DLGAP5: variants seen among roughly 807,000 people sequenced by gnomAD.
DLGAP5 encodes the protein disks large-associated protein 5.
In DLGAP5, 90 loss-of-function variants were observed where a neutral mutation model predicts 99.6. That is an observed-to-expected ratio of 0.90 (90% CI 0.76 to 1.08). The LOEUF is 1.08. Among genes scored for constraint, DLGAP5 ranks in the 50% least tolerant of loss-of-function variants. The pLI, the probability that DLGAP5 is intolerant of heterozygous loss-of-function variation, is 0.00. For synonymous variants in DLGAP5, 311 were observed against 321.3 expected (o/e 0.97, Z 0.34); for missense variants, 1,036 against 983.5 (o/e 1.05, Z -0.71).
Position 55,175,373 on chromosome 14 carries a change from T to G in DLGAP5, c.1274A>C (p.Gln425Pro), listed in dbSNP as rs1883023347. 1.9e-6 allele frequency: 3 copies of G among 1,610,342 alleles called. No homozygotes were observed. Among genetic ancestry groups the G allele is most frequent in the Non-Finnish European group, 2.5e-6 (3 of 1,178,944 alleles). The change falls in exon 10 of 19, where the codon CAG becomes CCG. Residue 425 changes from glutamine to proline, a missense_variant. Gln to Pro is a moderately conservative substitution (Grantham distance 76). Transcript: ENST00000247191. ...SLERNEGRIA[Q>P]PHHGVPYFRN... is the part of the protein sequence containing the mutation. ...GAAATATGGCACACCATGGTGGGGC[T>G]GAGCAATTCGACCTTCATTTCTTTC...
In DLGAP5 at chr14:55,148,263, C is replaced by A; in HGVS notation, c.*88G>T. On this transcript the variant is annotated 3_prime_UTR_variant, in exon 19 of 19. Coordinates refer to ENST00000247191, the MANE Select transcript of DLGAP5 (RefSeq NM_014750.5). Reference sequence around the variant, plus strand: ...ACATTATATGCTATAGAAGTGAACACAAATACATTTTCTCCAAAATTTCAA... The same window carrying A: ...ACATTATATGCTATAGAAGTGAACAAAAATACATTTTCTCCAAAATTTCAA... 7 of 1,364,122 alleles carry A rather than the reference C, an allele frequency of 5.1e-6. No homozygotes were observed. Among genetic ancestry groups the A allele is most frequent in the Non-Finnish European group, 7.1e-6 (7 of 984,012 alleles). 84.5% of individuals were successfully genotyped at this position (1,364,122 alleles called of 1,614,324 possible).
chr14:55,154,551 TAAC>T (rs749770971), intron 15 of DLGAP5, 63 bp downstream of exon 15: 86 of 1,357,414 alleles, frequency 6.3e-5, no homozygotes, highest in Non-Finnish European at 8.6e-5. Flanking sequence ...TTTACCATCT[TAAC>T]AATCTGAAAT....
At chr14:55,167,147 G>C (rs1005463160) in intron 12 of DLGAP5, among the ~76,000 whole-genome samples, 2 of 151,592 alleles carry the variant, frequency 1.3e-5, no homozygotes, top group African/African-American at 4.9e-5. Flanking sequence ...CCAGCTACTC[G>C]GGAGGCAGAG....
intron 10 of DLGAP5, among the ~76,000 whole-genome samples, chr14:55,174,257 A>G (rs943398408): frequency 6.6e-6 from 1 of 152,202 alleles, no homozygotes; most frequent in Non-Finnish European, 1.5e-5. Flanking sequence ...CTTATTAGGA[A>G]GAGGAAATTC....
In DLGAP5 at chr14:55,162,594, T is replaced by G. The variant is rs143382191; in HGVS notation, c.1653+377A>C. Among the ~76,000 whole-genome samples, 1,306 of 147,352 alleles carry G rather than the reference T, an allele frequency of 8.9e-3. 20 individuals are homozygous for G. Among genetic ancestry groups the G allele is most frequent in the African/African-American group, 0.031 (1,200 of 38,946 alleles). On this transcript the variant is annotated intron_variant, in intron 13 of 18. Coordinates refer to ENST00000247191, the MANE Select transcript of DLGAP5 (RefSeq NM_014750.5). ...AGATCACGCCACTGTACTGCAGCCT[T>G]GGTGATAGAGCGGGATTCCATCTCA... is the stretch of plus-strand genomic sequence containing the variant.
chr14:55,166,037 C>A (rs1283582294), intron 12 of DLGAP5, among the ~76,000 whole-genome samples: 2 of 152,148 alleles, frequency 1.3e-5, no homozygotes, highest in Non-Finnish European at 1.5e-5. Flanking sequence ...ATATGACCTA[C>A]CAATATCTAG....
At chr14:55,165,777 C>T (rs142697108) in intron 12 of DLGAP5, among the ~76,000 whole-genome samples, 77 of 152,076 alleles carry the variant, frequency 5.1e-4, no homozygotes, top group Middle Eastern at 3.4e-3. Context: ...AACAATATTC[C>T]GTAATAAGTT....
chr14:55,173,288 CAAAAAAAAAA>C (rs33912800), intron 10 of DLGAP5, among the ~76,000 whole-genome samples: 1 of 121,732 alleles, frequency 8.2e-6, no homozygotes, highest in African/African-American at 2.7e-5. Flanking sequence ...AAAAAAAAAA[CAAAAAAAAAA>C]ACACACACAC....
At chr14:55,179,565 A>C (rs1176349804) in intron 7 of DLGAP5, 64 bp downstream of exon 7, 1 of 1,401,728 alleles carries the variant, frequency 7.1e-7, no homozygotes, top group Admixed American at 2.0e-5. Flanking sequence ...TTTAATTTCA[A>C]CTTTATGAAA....
At chr14:55,162,476 G>A (rs561421394) in intron 13 of DLGAP5, among the ~76,000 whole-genome samples, 13 of 152,122 alleles carry the variant, frequency 8.5e-5, no homozygotes, top group Non-Finnish European at 1.6e-4. Context: ...AAAATTAGCC[G>A]GGTGTGGTGG....
intron 14 of DLGAP5, among the ~76,000 whole-genome samples, chr14:55,156,554 C>A (rs891032119): frequency 2.0e-5 from 3 of 152,104 alleles, no homozygotes; most frequent in African/African-American, 7.2e-5. Context: ...AGGTTCCCAG[C>A]ATAATGGCCC....
Position 55,189,188 on chromosome 14 carries a change from G to C in DLGAP5, c.-1-8C>G. 6.2e-7 allele frequency: 1 copy of C among 1,604,338 alleles called. No homozygotes were observed. On this transcript the variant is annotated splice_region_variant and splice_polypyrimidine_tract_variant and intron_variant, in intron 1 of 18. Transcript: ENST00000247191. ...AAATGTGATGAAGACATCCTGTCAA[G>C]GAAAAGGACAAAACCCAACTTACAT... is the stretch of plus-strand genomic sequence containing the variant.
intron 18 of DLGAP5, among the ~76,000 whole-genome samples, chr14:55,148,964 T>C (rs1387610398): frequency 1.3e-5 from 2 of 152,200 alleles, no homozygotes; most frequent in Non-Finnish European, 2.9e-5. Flanking sequence ...TTAATAGACC[T>C]TTTAATACTG....
At chr14:55,180,433 T>G (rs1435149522) in intron 6 of DLGAP5, among the ~76,000 whole-genome samples, 1 of 152,194 alleles carries the variant, frequency 6.6e-6, no homozygotes, top group African/African-American at 2.4e-5. Context: ...GACCATTAAT[T>G]TTTCACTTTG....
At chr14:55,152,001 A>G in intron 16 of DLGAP5, 60 bp from the exon 17 acceptor site, 1 of 1,532,440 alleles carries the variant, frequency 6.5e-7, no homozygotes, top group Non-Finnish European at 8.9e-7. Context: ...ACAAATTTTA[A>G]AAGTCTTGTT....
intron 2 of DLGAP5, among the ~76,000 whole-genome samples, chr14:55,187,518 C>T (rs1315630188): frequency 6.6e-6 from 1 of 152,044 alleles, no homozygotes; most frequent in Non-Finnish European, 1.5e-5. Flanking sequence ...GGGGTTTCAC[C>T]ATGTTGGTCA....
At chr14:55,185,298 C>T (rs956463140) in intron 2 of DLGAP5, among the ~76,000 whole-genome samples, 28 of 152,310 alleles carry the variant, frequency 1.8e-4, no homozygotes, top group African/African-American at 6.5e-4. Context: ...CTCCCGGGTT[C>T]AAGCGATTCT....
chr14:55,150,917 A>G (rs921450902), intron 17 of DLGAP5, 69 bp from the exon 18 acceptor site: 3 of 1,054,340 alleles, frequency 2.8e-6, no homozygotes, highest in African/African-American at 1.7e-5. Context: ...AAATGGACAA[A>G]GCCATGAAAA....
intron 8 of DLGAP5, among the ~76,000 whole-genome samples, chr14:55,176,279 G>C (rs941371102): frequency 7.2e-5 from 11 of 152,170 alleles, no homozygotes; most frequent in African/African-American, 1.7e-4. Flanking sequence ...ATGCTGCTGA[G>C]CAGTTTTTAG....
Sources: allele counts gnomAD v4.1 joint callset (sites outside exome capture counted in the v4.1 genomes callset), GRCh38; gene constraint gnomAD v4.1.1; transcripts MANE v1.5; gene names NCBI Gene and HGNC (gene_info 2026-07-23, HGNC 2026-07-21).